ANKRD55: variants seen among roughly 807,000 people sequenced by gnomAD.
ANKRD55 encodes the protein ankyrin repeat domain 55.
ANKRD55 carries 41 observed loss-of-function variants against 60.6 expected under a neutral mutation model. The ratio of observed to expected loss-of-function variants is 0.68; its 90% CI spans 0.53 to 0.88. ANKRD55 has a LOEUF of 0.88. Ranked by LOEUF, ANKRD55 falls within the 40% of genes least tolerant of loss-of-function variation. The probability of loss-of-function intolerance (pLI) is 0.00; values close to 1 mark genes in which losing one functional copy is unlikely to be tolerated. For missense variants in ANKRD55, 732 were observed against 767.6 expected (o/e 0.95, Z 0.55); for synonymous variants, 264 against 290.3 (o/e 0.91, Z 0.92).
In ANKRD55 at chr5:56,100,195, A is replaced by T. The variant is rs144419437; in HGVS notation, c.1833T>A (p.Ser611Arg). ...EESEHSANPT[S>R]DEN is the part of the protein sequence containing the mutation. ...GAGTGGCCCACAGTTAATTTTCATC[A>T]CTGGTGGGGTTGGCAGAATGTTCAC... Residue 611 changes from serine to arginine, a missense_variant, in exon 12 of 12, where the codon AGT becomes AGA. Ser to Arg is a moderately radical substitution (Grantham distance 110, BLOSUM62 -1). Transcript: ENST00000341048. 12 of 1,614,090 alleles carry T rather than the reference A, an allele frequency of 7.4e-6. No individual in the cohort carries two copies. The African/African-American group carries it at 1.5e-4, about 20-fold the overall frequency.
At chr5:56,141,001 T>G (rs559151778) in intron 7 of ANKRD55, among the ~76,000 whole-genome samples, 1 of 152,080 alleles carries the variant, frequency 6.6e-6, no homozygotes, top group Admixed American at 6.5e-5. Context: ...AGGCAGATGA[T>G]GCAGTGAGCC....
At chr5:56,135,435 T>A (rs7704341) in intron 7 of ANKRD55, among the ~76,000 whole-genome samples, 1 of 150,530 alleles carries the variant, frequency 6.6e-6, no homozygotes, top group African/African-American at 2.5e-5. Flanking sequence ...AGTGGTGCGA[T>A]CTTGGCTCAC....
chr5:56,225,538 C>T (rs1760088729), intron 2 of ANKRD55, among the ~76,000 whole-genome samples: 2 of 152,176 alleles, frequency 1.3e-5, no homozygotes, highest in African/African-American at 4.8e-5. Context: ...AACAGGAAGT[C>T]AAATTGTCTC....
At chr5:56,226,076 A>G (rs1436179103) in intron 2 of ANKRD55, among the ~76,000 whole-genome samples, 1 of 152,252 alleles carries the variant, frequency 6.6e-6, no homozygotes, top group Non-Finnish European at 1.5e-5. Flanking sequence ...ACCTGACTTC[A>G]ATCTATACTA....
chr5:56,228,724 CT>C (rs1395572085), intron 2 of ANKRD55, among the ~76,000 whole-genome samples: 2 of 152,170 alleles, frequency 1.3e-5, no homozygotes, highest in African/African-American at 2.4e-5. Context: ...TGCACCCGGC[CT>C]GCTGCTGACA....
chr5:56,211,052 TG>T (rs1230325624), intron 2 of ANKRD55, among the ~76,000 whole-genome samples: 3 of 152,156 alleles, frequency 2.0e-5, no homozygotes, highest in South Asian at 4.1e-4. Context: ...TGCGTGAATT[TG>T]GGGGTACAGC....
chr5:56,120,094 T>C (rs1756995290), intron 8 of ANKRD55, among the ~76,000 whole-genome samples: 1 of 151,560 alleles, frequency 6.6e-6, no homozygotes, highest in African/African-American at 2.4e-5. Flanking sequence ...TGGAGTGCAG[T>C]GGTGCAATCT....
intron 8 of ANKRD55, among the ~76,000 whole-genome samples, chr5:56,120,791 C>T (rs1209154112): frequency 3.3e-5 from 5 of 151,302 alleles, no homozygotes; most frequent in South Asian, 4.2e-4. Context: ...CCCAGCTACT[C>T]GGGAGGCTGA....
intron 6 of ANKRD55, among the ~76,000 whole-genome samples, chr5:56,158,102 A>C (rs568990508): frequency 6.6e-6 from 1 of 152,140 alleles, no homozygotes; most frequent in East Asian, 1.9e-4. Flanking sequence ...AATTTCTTGA[A>C]TCTGGGAGGC....
At chr5:56,113,184 C>T (rs1434139098) in intron 9 of ANKRD55, among the ~76,000 whole-genome samples, 1 of 152,116 alleles carries the variant, frequency 6.6e-6, no homozygotes, top group African/African-American at 2.4e-5. Flanking sequence ...GGAGAGGGAT[C>T]CCCGACTTTT....
chr5:56,150,476 C>T (rs180827936), intron 6 of ANKRD55, among the ~76,000 whole-genome samples: 35 of 150,626 alleles, frequency 2.3e-4, no homozygotes, highest in African/African-American at 7.8e-4. Context: ...TGGTGGTATG[C>T]GCCTGTAGTC....
In ANKRD55 at chr5:56,151,240, G is replaced by A. The variant is rs144885420; in HGVS notation, c.484-7311C>T. ...TGTCCATGTCATAAATATGGGTAAG[G>A]ACTCCTGCTCTAAAGTCTACAGGAC... On this transcript the variant is annotated intron_variant, in intron 6 of 11. Transcript: ENST00000341048. Among the ~76,000 whole-genome samples the A allele has an allele frequency of 1.4e-3, 206 of 152,252 alleles. 1 individual carries two copies. Among genetic ancestry groups the A allele is most frequent in the African/African-American group, 4.9e-3 (202 of 41,540 alleles).
chr5:56,218,697 C>T (rs1759881597), intron 2 of ANKRD55, among the ~76,000 whole-genome samples: 1 of 152,104 alleles, frequency 6.6e-6, no homozygotes. Flanking sequence ...TGGAAACAAA[C>T]CCACTGTATC....
chr5:56,164,441 A>G (rs893549122), intron 5 of ANKRD55, among the ~76,000 whole-genome samples: 15 of 152,286 alleles, frequency 9.8e-5, no homozygotes, highest in African/African-American at 3.4e-4. Flanking sequence ...ACTAGAGAAC[A>G]GGACCCCAAG....
intron 6 of ANKRD55, among the ~76,000 whole-genome samples, chr5:56,150,726 C>T (rs1028656849): frequency 2.0e-5 from 3 of 151,986 alleles, no homozygotes; most frequent in South Asian, 4.1e-4. Flanking sequence ...GGTGAAATCC[C>T]GCCTCTACTA....
At chr5:56,167,605 T>C (rs1385732771) in intron 5 of ANKRD55, among the ~76,000 whole-genome samples, 1 of 152,226 alleles carries the variant, frequency 6.6e-6, no homozygotes, top group Non-Finnish European at 1.5e-5. Flanking sequence ...TTGCCATAAC[T>C]AAAGCAGAAT....
chr5:56,153,698 G>A (rs1489091336), intron 6 of ANKRD55, among the ~76,000 whole-genome samples: 1 of 151,920 alleles, frequency 6.6e-6, no homozygotes, highest in African/African-American at 2.4e-5. Flanking sequence ...TTAGCTGGGC[G>A]TGGTGGTGGG....
intron 2 of ANKRD55, among the ~76,000 whole-genome samples, chr5:56,212,427 T>A (rs1412646702): frequency 6.6e-6 from 1 of 152,044 alleles, no homozygotes; most frequent in Non-Finnish European, 1.5e-5. Flanking sequence ...AGGGAAGAAA[T>A]AAGACAAATT....
intron 8 of ANKRD55, among the ~76,000 whole-genome samples, chr5:56,122,764 C>T (rs1243358466): frequency 6.6e-6 from 1 of 151,390 alleles, no homozygotes; most frequent in African/African-American, 2.4e-5. Flanking sequence ...GGGCAAAGGG[C>T]AAGTTGACAT....
Sources: gnomAD v4.1 joint callset for allele counts (sites outside exome capture counted in the v4.1 genomes callset) on GRCh38, gnomAD v4.1.1 for gene constraint, MANE v1.5 for transcripts, NCBI Gene and HGNC (gene_info 2026-07-23, HGNC 2026-07-21) for gene names.